The following TBC1D24 variants were observed in gnomAD, a reference collection of about 807,000 sequenced individuals.
TBC1D24 encodes TBC1 domain family member 24.
In TBC1D24, 47 loss-of-function variants were observed where a neutral mutation model predicts 50.7. That is an observed-to-expected ratio of 0.93 (90% CI 0.73 to 1.18). The LOEUF is 1.18. Among genes scored for constraint, TBC1D24 ranks in the 50% most tolerant of loss-of-function variants. The pLI is 0.00. For missense variants in TBC1D24, 688 were observed against 766.5 expected, an observed-to-expected ratio of 0.90 and a Z score of 1.21; for synonymous variants, 324 against 335.2, an observed-to-expected ratio of 0.97 and a Z score of 0.36.
chr16:2,501,228 C>A lies in TBC1D24; in HGVS notation c.*270C>A. On this transcript the variant is annotated 3_prime_UTR_variant, in exon 8 of 8. Transcript: ENST00000646147. Reference sequence around the variant, plus strand: ...CCAGAGCTGGCATAGGAAGTACCTTCCTCCTCCGTGGAGGCTTCCATAGCC... The same window carrying A: ...CCAGAGCTGGCATAGGAAGTACCTTACTCCTCCGTGGAGGCTTCCATAGCC... 1 of 542,292 alleles carries A rather than the reference C, an allele frequency of 1.8e-6. No homozygotes were observed. The highest frequency in any genetic ancestry group is 3.3e-6 in the Non-Finnish European group (1 of 300,250). 33.6% of individuals were successfully genotyped at this position (542,292 alleles called of 1,614,324 possible).
intron 1 of TBC1D24, among the ~76,000 whole-genome samples, chr16:2,494,909 G>A (rs1490554853): frequency 6.6e-6 from 1 of 151,934 alleles, no homozygotes; most frequent in African/African-American, 2.4e-5. Flanking sequence ...ATGTGGCTGC[G>A]CAACGTGACT....
At chr16:2,488,463 C>T (rs1021912774) in intron 1 of TBC1D24, among the ~76,000 whole-genome samples, 3 of 146,490 alleles carry the variant, frequency 2.0e-5, no homozygotes, top group South Asian at 2.2e-4. Context: ...AAATAGAAAT[C>T]GCTTATACTC....
At position 2,482,058 on chromosome 16, in the gene TBC1D24, C is replaced by T. The variant is rs1260864664; in HGVS notation, c.-116+6888C>T. 1.3e-5 allele frequency: 2 copies of T among 152,268 alleles called. No individual in the cohort carries two copies. The highest frequency in any genetic ancestry group is 2.9e-5 in the Non-Finnish European group (2 of 68,052). 9.4% of individuals were successfully genotyped at this position (152,268 alleles called of 1,614,324 possible). On this transcript the variant is annotated intron_variant, in intron 1 of 7. Coordinates refer to ENST00000646147, the MANE Select transcript of TBC1D24 (RefSeq NM_001199107.2). The surrounding 1 kb of genome is among the most constrained non-coding windows in gnomAD (Gnocchi z 5.2). ...TCTGCTTCAGGCTGAGGCAGGCACC[C>T]CTTACCTTCCTGTTATGTGAAGATG...
chr16:2,477,269 T>A (rs185049935), intron 1 of TBC1D24: 2 of 152,376 alleles, frequency 1.3e-5, no homozygotes. Context: ...ATTTTCTGTA[T>A]CCTTTCAACA....
rs185269823 is a variant in TBC1D24, at chr16:2,491,269, C to T, written c.-115-4765C>T. 2.3e-3 allele frequency among the ~76,000 whole-genome samples: 343 copies of T among 152,248 alleles called. 2 individuals are homozygous for T. The highest frequency in any genetic ancestry group is 7.6e-3 in the African/African-American group (317 of 41,552). Reference sequence around the variant, plus strand: ...ACTCCCTAATTTTGGTACTATTTGACTTTTTGTGATTTTTGCATTCAAATA... The same window carrying T: ...ACTCCCTAATTTTGGTACTATTTGATTTTTTGTGATTTTTGCATTCAAATA... On this transcript the variant is annotated intron_variant, in intron 1 of 7. Transcript: ENST00000646147.
rs2065795114 is a variant in TBC1D24, at chr16:2,501,632, G to C, written c.*674G>C. ...GGAGCTGCTGGGTGGGAGGAGGAGG[G>C]TGGGATTTGTGCTGGGCTCCACCCC... On this transcript the variant is annotated 3_prime_UTR_variant, in exon 8 of 8. Transcript: ENST00000646147. The C allele has an allele frequency of 1.3e-5, 2 of 152,932 alleles. No individual in the cohort carries two copies. Among genetic ancestry groups the C allele is most frequent in the Non-Finnish European group, 2.9e-5 (2 of 68,626 alleles). The allele number at this position is 152,932 out of a possible 1,614,324, so 9.5% of individuals were successfully genotyped here.
chr16:2,488,831 C>A (rs1349187343), intron 1 of TBC1D24, among the ~76,000 whole-genome samples: 1 of 137,034 alleles, frequency 7.3e-6, no homozygotes, highest in Admixed American at 7.6e-5. Flanking sequence ...GAGGCCGAGG[C>A]GGGTGGATCA....
chr16:2,486,162 G>A lies in TBC1D24; in HGVS notation c.-115-9872G>A, dbSNP rs946918540. 3.3e-5 allele frequency among the ~76,000 whole-genome samples: 5 copies of A among 152,218 alleles called. No homozygotes were observed. Among genetic ancestry groups the A allele is most frequent in the Non-Finnish European group, 7.3e-5 (5 of 68,030 alleles). On this transcript the variant is annotated intron_variant, in intron 1 of 7. Coordinates refer to ENST00000646147, the MANE Select transcript of TBC1D24 (RefSeq NM_001199107.2). The surrounding 1 kb of genome is among the most constrained non-coding windows in gnomAD (Gnocchi z 5.8). Reference sequence around the variant, plus strand: ...AGGTCCAGGGGCTTCCGTGGGGAGCGAGATTGTTTTGGATCCCGCCAGGGG... The same window carrying A: ...AGGTCCAGGGGCTTCCGTGGGGAGCAAGATTGTTTTGGATCCCGCCAGGGG...
At position 2,486,295 on chromosome 16, in the gene TBC1D24, G is replaced by C. The variant is rs956775680; in HGVS notation, c.-115-9739G>C. Among the ~76,000 whole-genome samples the C allele has an allele frequency of 8.5e-5, 13 of 152,150 alleles. No individual in the cohort carries two copies. The highest frequency in any genetic ancestry group is 3.1e-4 in the African/African-American group (13 of 41,430). ...GGGCGTTGGCGTTCCCCACCCATGG[G>C]GCCCGGCCTCATTTCCTCTTCCTCT... On this transcript the variant is annotated intron_variant, in intron 1 of 7. Transcript: ENST00000646147. The surrounding 1 kb of genome is among the most constrained non-coding windows in gnomAD (Gnocchi z 5.8).
At position 2,496,925 on chromosome 16, in the gene TBC1D24, G is replaced by A. The variant is rs746283136; in HGVS notation, c.777G>A (p.Pro259=). ...KFFHKVRAGQ[P]LESDSVKQDI... ...TCCACAAGGTGAGGGCCGGGCAGCC[G>A]CTGGAGTCGGACAGCGTGAAGCAGG... Residue 259 remains proline (P), a synonymous_variant, in exon 2 of 8, where the codon CCG becomes CCA. Transcript: ENST00000646147. 1.1e-5 allele frequency: 17 copies of A among 1,614,024 alleles called. No individual in the cohort carries two copies. The East Asian group carries it at 1.1e-4, about 11-fold the overall frequency.
intron 1 of TBC1D24, among the ~76,000 whole-genome samples, chr16:2,492,280 T>C (rs2065701741): frequency 6.6e-6 from 1 of 152,146 alleles, no homozygotes; most frequent in Non-Finnish European, 1.5e-5. Flanking sequence ...CACACATCCT[T>C]GGCTCGGGGG....
In TBC1D24 at chr16:2,498,391, G is replaced by A. The variant is rs1243475474; in HGVS notation, c.1137G>A (p.Leu379=). Reference sequence around the variant, plus strand: ...CCTCCCTGCAGCACGGGTACAGCCTGGCCAGGTAACACCCCAAGGGGCCAG... The same window carrying A: ...CCTCCCTGCAGCACGGGTACAGCCTAGCCAGGTAACACCCCAAGGGGCCAG... ...LFSSLQHGYS[L]ARFYFQCEGH... is the part of the protein sequence containing the mutation. Residue 379 remains leucine, a synonymous_variant, in exon 4 of 8, where the codon CTG becomes CTA. Coordinates refer to ENST00000646147, the MANE Select transcript of TBC1D24 (RefSeq NM_001199107.2). 2 of 1,604,344 alleles carry A rather than the reference G, an allele frequency of 1.2e-6. No individual in the cohort carries two copies. The highest frequency in any genetic ancestry group is 1.7e-6 in the Non-Finnish European group (2 of 1,175,878).
rs2065823197 is a variant in TBC1D24 at position 2,504,888 on chromosome 16, G to T, written c.*3930G>T. On this transcript the variant is annotated 3_prime_UTR_variant, in exon 8 of 8. Transcript: ENST00000646147. ...AATACAGCACCTGCCTCAAATTTGG[G>T]TTCATATAGATTTTTTTCCTCCCTT... 6.6e-6 allele frequency: 1 copy of T among 152,168 alleles called. No homozygotes were observed. Among genetic ancestry groups the T allele is most frequent in the African/African-American group, 2.4e-5 (1 of 41,424 alleles). 9.4% of individuals were successfully genotyped at this position (152,168 alleles called of 1,614,324 possible).
chr16:2,497,740 C>T lies in TBC1D24; in HGVS notation c.983+13C>T, dbSNP rs2065755877. ...CACTTTCTAAAAGGTAGGTCTGAAA[C>T]TGTATCTGCACACCTGGCCTCTGTC... is the stretch of plus-strand genomic sequence containing the variant. On this transcript the variant is annotated intron_variant, in intron 3 of 7. Transcript: ENST00000646147. 7 of 1,535,892 alleles carry T rather than the reference C, an allele frequency of 4.6e-6. No individual in the cohort carries two copies. In the South Asian group the frequency reaches 7.1e-5, roughly 16 times the overall value.
At chr16:2,498,186 G>A (rs1236465314) in intron 3 of TBC1D24, 52 bp from the exon 4 acceptor site, 1 of 1,552,192 alleles carries the variant, frequency 6.4e-7, no homozygotes, top group East Asian at 2.4e-5. Flanking sequence ...CGGGGGGCAT[G>A]GCCTGGCCCC....
intron 3 of TBC1D24, among the ~76,000 whole-genome samples, chr16:2,497,936 T>G (rs576920990): frequency 7.4e-4 from 112 of 152,320 alleles, no homozygotes; most frequent in African/African-American, 2.6e-3. Context: ...CTGCTGGTGT[T>G]TGGCTCACCC....
Position 2,500,236 on chromosome 16 carries a change from C to T in TBC1D24, c.1303-32C>T, listed in dbSNP as rs372214683. ...GGGCAGAGGGGCCTGCGAACGCCCG[C>T]GCCAGCTCCTCACACTCCCCTTCCA... On this transcript the variant is annotated intron_variant, in intron 6 of 7. Transcript: ENST00000646147. This position sits in a 1 kb window ranked among gnomAD's most constrained non-coding sequence, Gnocchi z 8.0. The T allele has an allele frequency of 7.1e-6, 11 of 1,550,566 alleles. No homozygotes were observed. In the East Asian group the frequency reaches 7.2e-5, roughly 10 times the overall value.
chr16:2,494,387 G>C (rs919958784), intron 1 of TBC1D24, among the ~76,000 whole-genome samples: 4 of 150,966 alleles, frequency 2.6e-5, no homozygotes, highest in African/African-American at 9.8e-5. Flanking sequence ...ACTCCAGCCC[G>C]TGCGACAGTG....
chr16:2,476,813 A>T (rs1287708416), intron 1 of TBC1D24: 1 of 152,212 alleles, frequency 6.6e-6, no homozygotes, highest in East Asian at 1.9e-4. Flanking sequence ...AGGTTTTCAT[A>T]ACAACAATAA....
Sources: allele counts gnomAD v4.1 joint callset (sites outside exome capture counted in the v4.1 genomes callset), GRCh38; gene constraint gnomAD v4.1.1; non-coding constraint Gnocchi (gnomAD v3.1); transcripts MANE v1.5; gene names NCBI Gene and HGNC (gene_info 2026-07-23, HGNC 2026-07-21).